The following DENND2A variants were observed in gnomAD, a reference collection of about 807,000 sequenced individuals.
The protein encoded by DENND2A is DENN domain-containing protein 2A.
DENND2A carries 53 observed loss-of-function variants against 105.3 expected under a neutral mutation model. That is an observed-to-expected ratio of 0.50 (90% confidence interval 0.40 to 0.63). The LOEUF is 0.63. Among genes scored for constraint, DENND2A ranks in the 30% least tolerant of loss-of-function variants. The pLI is 0.00. For missense variants in DENND2A, 1,138 were observed against 1,279.6 expected, an observed-to-expected ratio of 0.89 and a Z score of 1.69; for synonymous variants, 522 against 508.4, an observed-to-expected ratio of 1.03 and a Z score of -0.36.
At chr7:140,591,678 T>TTTCTTTCTTTCC (rs1799029858) in intron 3 of DENND2A, among the ~76,000 whole-genome samples, 1 of 144,930 alleles carries the variant, frequency 6.9e-6, no homozygotes, top group Admixed American at 6.8e-5. Flanking sequence ...TTTCTCTTTC[T>TTTCTTTCTTTCC]TTCTTTCTTT....
intron 14 of DENND2A, among the ~76,000 whole-genome samples, chr7:140,536,123 C>T (rs373496495): frequency 9.7e-4 from 147 of 152,188 alleles, no homozygotes; most frequent in Middle Eastern, 6.8e-3. Flanking sequence ...GAGGCTGAGG[C>T]GAGCAGATCA....
intron 9 of DENND2A, among the ~76,000 whole-genome samples, chr7:140,560,886 A>T (rs1797584457): frequency 6.6e-6 from 1 of 152,090 alleles, no homozygotes; most frequent in South Asian, 2.1e-4. Flanking sequence ...GTGAGCCGAG[A>T]GCATACCACT....
At chr7:140,585,450 G>T in intron 5 of DENND2A, 139 bp downstream of exon 5, 1 of 1,173,408 alleles carries the variant, frequency 8.5e-7, no homozygotes, top group Non-Finnish European at 1.2e-6. Context: ...AGACCAGTCA[G>T]CCAGCGTTGT....
At chr7:140,621,415 A>G (rs116508459) in intron 1 of DENND2A, among the ~76,000 whole-genome samples, 176 of 152,326 alleles carry the variant, frequency 1.2e-3, no homozygotes, top group African/African-American at 4.2e-3. Context: ...TAGTTGTTAT[A>G]CTGTGTTGTT....
At chr7:140,594,862 C>T (rs571772382) in intron 3 of DENND2A, among the ~76,000 whole-genome samples, 26 of 151,992 alleles carry the variant, frequency 1.7e-4, no homozygotes, top group South Asian at 8.3e-4. Context: ...ACTACAAGTG[C>T]GTGCCACCAT....
At chr7:140,612,097 T>C (rs1799920690) in intron 1 of DENND2A, among the ~76,000 whole-genome samples, 1 of 152,040 alleles carries the variant, frequency 6.6e-6, no homozygotes, top group Non-Finnish European at 1.5e-5. Context: ...AAAAATTAGC[T>C]GGGTGTTGTG....
At chr7:140,544,894 GA>G (rs890018403) in intron 13 of DENND2A, 128 bp from the exon 14 acceptor site, 1 of 1,448,438 alleles carries the variant, frequency 6.9e-7, no homozygotes, top group Non-Finnish European at 9.1e-7. Context: ...AAAAGGGAAA[GA>G]AAAAAAGCAA....
At chr7:140,534,503 A>G (rs1796391892) in intron 14 of DENND2A, among the ~76,000 whole-genome samples, 1 of 152,206 alleles carries the variant, frequency 6.6e-6, no homozygotes, top group African/African-American at 2.4e-5. Flanking sequence ...GGAAAGGATT[A>G]TTTTGGATGG....
chr7:140,561,457 A>ATTTATAACGTCTAACCT (rs1797608097), intron 9 of DENND2A, among the ~76,000 whole-genome samples: 1 of 151,838 alleles, frequency 6.6e-6, no homozygotes, highest in Non-Finnish European at 1.5e-5. Context: ...GTCTAACCTA[A>ATTTATAACGTCTAACCT]ATATAATGGC....
At chr7:140,632,074 T>C (rs1800753685) in intron 1 of DENND2A, among the ~76,000 whole-genome samples, 1 of 152,150 alleles carries the variant, frequency 6.6e-6, no homozygotes, top group East Asian at 1.9e-4. Context: ...TGTGATTTGC[T>C]GTGTGATCCC....
At position 140,523,281 on chromosome 7, in the gene DENND2A, CCACTGGGAGGTGGCTGAA is replaced by C. The variant is rs1563115361; in HGVS notation, c.2665+8_2665+25del. Reference sequence around the variant, plus strand: ...GACCCTCAGAGTGGAAGGGAGAGACCCACTGGGAGGTGGCTGAACACTTACCGTGCCTGCCGTCTAGGG... The same window carrying C: ...GACCCTCAGAGTGGAAGGGAGAGACCCACTTACCGTGCCTGCCGTCTAGGG... On this transcript the variant is annotated splice_region_variant and intron_variant, in intron 17 of 19. Coordinates refer to ENST00000496613, the MANE Select transcript of DENND2A (RefSeq NM_015689.5). The surrounding 1 kb of genome is among the most constrained non-coding windows in gnomAD (Gnocchi z 4.5). 2.5e-6 allele frequency: 4 copies of C among 1,608,970 alleles called. No homozygotes were observed. The Admixed American group carries it at 6.7e-5, about 27-fold the overall frequency.
At chr7:140,626,990 T>C (rs1410764839) in intron 1 of DENND2A, among the ~76,000 whole-genome samples, 1 of 152,176 alleles carries the variant, frequency 6.6e-6, no homozygotes, top group Non-Finnish European at 1.5e-5. Flanking sequence ...TAAGCCTTAG[T>C]TCTCGCCTCT....
intron 3 of DENND2A, among the ~76,000 whole-genome samples, chr7:140,595,262 C>T (rs1183644125): frequency 2.6e-5 from 4 of 152,098 alleles, no homozygotes; most frequent in Admixed American, 1.3e-4. Flanking sequence ...CCACCTCGGC[C>T]TCCCAAAGTC....
At chr7:140,613,950 G>A (rs1451767769) in intron 1 of DENND2A, among the ~76,000 whole-genome samples, 1 of 152,066 alleles carries the variant, frequency 6.6e-6, no homozygotes, top group African/African-American at 2.4e-5. Flanking sequence ...GCACCAATCA[G>A]AGCCTCATCA....
rs1305412652 is a variant in DENND2A at position 140,601,462 on chromosome 7, TGGGGGAGAGGAGGGCAGAGGC to T, written c.915_935del (p.Leu307_Pro313del). 4.3e-6 allele frequency: 7 copies of T among 1,613,182 alleles called. No homozygotes were observed. The highest frequency in any genetic ancestry group is 5.9e-6 in the Non-Finnish European group (7 of 1,179,722). ...ACAGTCTTCTGTTCACAGAGGAAGG[TGGGGGAGAGGAGGGCAGAGGC>T]GGGGGAGGTAGAGAGGGCAGAGGAG... On this transcript the variant is annotated inframe_deletion, in exon 3 of 20. Coordinates refer to ENST00000496613, the MANE Select transcript of DENND2A (RefSeq NM_015689.5).
At chr7:140,596,666 C>T (rs1260096209) in intron 3 of DENND2A, among the ~76,000 whole-genome samples, 1 of 152,112 alleles carries the variant, frequency 6.6e-6, no homozygotes, top group African/African-American at 2.4e-5. Context: ...TATATGATGC[C>T]AAAATAATCA....
chr7:140,621,172 G>A (rs1323773509), intron 1 of DENND2A, among the ~76,000 whole-genome samples: 2 of 152,022 alleles, frequency 1.3e-5, no homozygotes, highest in Non-Finnish European at 2.9e-5. Context: ...GGGACTACAC[G>A]TGTGAGCCAC....
chr7:140,602,527 A>G lies in DENND2A; in HGVS notation c.-130T>C. The stretch of plus-strand genomic sequence containing the variant: ...TTCGAGGGTCTTTCTCAGTCCTTGG[A>G]CCTTCCACCTTGACCCTGCACAAGA... On this transcript the variant is annotated 5_prime_UTR_variant, in exon 3 of 20. Coordinates refer to ENST00000496613, the MANE Select transcript of DENND2A (RefSeq NM_015689.5). 1 of 926,154 alleles carries G rather than the reference A, an allele frequency of 1.1e-6. No homozygotes were observed. Among genetic ancestry groups the G allele is most frequent in the Non-Finnish European group, 1.5e-6 (1 of 658,426 alleles). 57.4% of individuals were successfully genotyped at this position (926,154 alleles called of 1,614,324 possible).
chr7:140,586,713 G>T (rs115158346), intron 4 of DENND2A, among the ~76,000 whole-genome samples: 1 of 152,182 alleles, frequency 6.6e-6, no homozygotes, highest in South Asian at 2.1e-4. Flanking sequence ...TGGGAATCCC[G>T]CTGCTTTGGC....
Sources: allele counts gnomAD v4.1 joint callset (sites outside exome capture counted in the v4.1 genomes callset), GRCh38; gene constraint gnomAD v4.1.1; non-coding constraint Gnocchi (gnomAD v3.1); transcripts MANE v1.5; gene names NCBI Gene and HGNC (gene_info 2026-07-23, HGNC 2026-07-21).